Variants in KIAA1217 observed in about 807,000 individuals in gnomAD.
KIAA1217 encodes the protein sickle tail protein homolog.
A neutral mutation model predicts 163.9 loss-of-function variants in KIAA1217; 88 were observed. The ratio of observed to expected loss-of-function variants is 0.54; its 90% confidence interval spans 0.45 to 0.64. KIAA1217 has a LOEUF of 0.64. KIAA1217 is among the 30% of genes least tolerant of loss of function. The probability of loss-of-function intolerance (pLI) is 0.00; values close to 1 mark genes in which losing one functional copy is unlikely to be tolerated. For synonymous variants in KIAA1217, 903 were observed against 923.1 expected, an observed-to-expected ratio of 0.98 and a Z score of 0.39; for missense variants, 2,372 against 2,475.0, an observed-to-expected ratio of 0.96 and a Z score of 0.88.
intron 2 of KIAA1217, among the ~76,000 whole-genome samples, chr10:24,280,682 C>CTACTAGTCACAA (rs1342488402): frequency 6.6e-6 from 1 of 151,984 alleles, no homozygotes; most frequent in East Asian, 1.9e-4. Flanking sequence ...TGGTCACAGG[C>CTACTAGTCACAA]GCCTGTAGTC....
chr10:23,808,967 C>G (rs766456071), intron 1 of KIAA1217, among the ~76,000 whole-genome samples: 4 of 152,030 alleles, frequency 2.6e-5, no homozygotes, highest in Non-Finnish European at 4.4e-5. Flanking sequence ...AGATAATACA[C>G]TTGGCATCTG....
chr10:24,364,438 C>G (rs1010313289), intron 2 of KIAA1217, among the ~76,000 whole-genome samples: 7 of 152,188 alleles, frequency 4.6e-5, no homozygotes. Context: ...AAACTTTCCA[C>G]ACAGATGGAA....
intron 1 of KIAA1217, among the ~76,000 whole-genome samples, chr10:23,715,108 C>T (rs776708234): frequency 1.4e-4 from 22 of 152,158 alleles, no homozygotes; most frequent in Non-Finnish European, 2.6e-4. Flanking sequence ...ATTAGAGGCA[C>T]TCCTGGGATT....
At position 24,201,401 on chromosome 10, in the gene KIAA1217, T is replaced by C. The variant is rs368972348; in HGVS notation, c.-170-18225T>C. Among the ~76,000 whole-genome samples, 21 of 152,318 alleles carry C rather than the reference T, an allele frequency of 1.4e-4. 3 individuals are homozygous for C. Among genetic ancestry groups the C allele is most frequent in the Admixed American group, 9.8e-4 (15 of 15,292 alleles). On this transcript the variant is annotated intron_variant, in intron 2 of 18. Transcript: ENST00000376462. ...TTAAATATTTTATCCCACTCAATATTGTCCAGTTCAGAGATTGTAAATTTT... is the reference window on the plus strand; with the variant it reads ...TTAAATATTTTATCCCACTCAATATCGTCCAGTTCAGAGATTGTAAATTTT...
At chr10:23,841,950 C>T (rs1205547264) in intron 1 of KIAA1217, among the ~76,000 whole-genome samples, 1 of 151,882 alleles carries the variant, frequency 6.6e-6, no homozygotes, top group South Asian at 2.1e-4. Context: ...TCACTGCAAC[C>T]TCTGCCTCCC....
intron 2 of KIAA1217, among the ~76,000 whole-genome samples, chr10:24,071,619 C>T (rs956636049): frequency 6.6e-6 from 1 of 152,126 alleles, no homozygotes; most frequent in African/African-American, 2.4e-5. Flanking sequence ...ATCTATGTTG[C>T]CAAATGGTGA....
intron 6 of KIAA1217, among the ~76,000 whole-genome samples, chr10:24,477,123 G>C (rs1479592230): frequency 1.3e-5 from 2 of 152,166 alleles, no homozygotes; most frequent in Non-Finnish European, 2.9e-5. Flanking sequence ...CTCCTCCAAG[G>C]ACAGCTCAGA....
At chr10:24,200,149 C>G (rs1589872870) in intron 2 of KIAA1217, among the ~76,000 whole-genome samples, 1 of 151,788 alleles carries the variant, frequency 6.6e-6, no homozygotes, top group East Asian at 1.9e-4. Context: ...CTCCTTTTCT[C>G]TCTTTCTTTG....
chr10:24,061,151 G>T (rs1049017843), intron 2 of KIAA1217, among the ~76,000 whole-genome samples: 1 of 151,838 alleles, frequency 6.6e-6, no homozygotes, highest in African/African-American at 2.4e-5. Context: ...TTTTTCTTGT[G>T]TGTATTTTTC....
chr10:23,947,524 G>C (rs1010443893), intron 1 of KIAA1217, among the ~76,000 whole-genome samples: 6 of 152,296 alleles, frequency 3.9e-5, no homozygotes, highest in African/African-American at 1.4e-4. Context: ...ACTCAAAGCA[G>C]CAAAAGTACA....
intron 2 of KIAA1217, among the ~76,000 whole-genome samples, chr10:24,366,380 G>C (rs1564547894): frequency 6.6e-6 from 1 of 152,308 alleles, no homozygotes; most frequent in East Asian, 1.9e-4. Context: ...GGGAAGCAGA[G>C]GGTGCGGTGA....
At chr10:23,748,432 A>G (rs749415270) in intron 1 of KIAA1217, among the ~76,000 whole-genome samples, 1 of 146,126 alleles carries the variant, frequency 6.8e-6, no homozygotes, top group African/African-American at 2.6e-5. Flanking sequence ...CACCCAAGAA[A>G]TGCTTCTGGA....
At chr10:24,104,083 C>A (rs1486855962) in intron 2 of KIAA1217, among the ~76,000 whole-genome samples, 2 of 152,112 alleles carry the variant, frequency 1.3e-5, no homozygotes, top group Non-Finnish European at 1.5e-5. Flanking sequence ...AATGCTATAG[C>A]CACTTTGGAA....
intron 2 of KIAA1217, among the ~76,000 whole-genome samples, chr10:24,286,566 A>G (rs1210704890): frequency 6.6e-6 from 1 of 152,162 alleles, no homozygotes; most frequent in Non-Finnish European, 1.5e-5. Flanking sequence ...GGAAAATTCA[A>G]TGGGAGGTAT....
chr10:23,923,192 T>C (rs1589084031), intron 1 of KIAA1217, among the ~76,000 whole-genome samples: 1 of 152,184 alleles, frequency 6.6e-6, no homozygotes, highest in Non-Finnish European at 1.5e-5. Flanking sequence ...GAACATACAA[T>C]GTTTGGGTTT....
At chr10:24,323,602 G>T (rs368664472) in intron 2 of KIAA1217, among the ~76,000 whole-genome samples, 6 of 152,286 alleles carry the variant, frequency 3.9e-5, no homozygotes, top group African/African-American at 1.4e-4. Context: ...TTTGCAAACA[G>T]CCTAATCGGC....
At chr10:24,232,251 G>C (rs1296707291) in intron 2 of KIAA1217, among the ~76,000 whole-genome samples, 1 of 152,184 alleles carries the variant, frequency 6.6e-6, no homozygotes, top group African/African-American at 2.4e-5. Context: ...ACGTACAGTT[G>C]ACGTTAATCA....
rs146806962 is a variant in KIAA1217 at position 23,998,269 on chromosome 10, C to G, written c.-320-8956C>G. On this transcript the variant is annotated intron_variant, in intron 1 of 18. Coordinates refer to the KIAA1217 transcript ENST00000376462. ...TATGTACTTTGCAGTCTGGCCCCAT[C>G]CTAAAATATCTTTATTGTTAAGATT... Among the ~76,000 whole-genome samples, 71 of 152,216 alleles carry G rather than the reference C, an allele frequency of 4.7e-4. 1 individual carries two copies. The East Asian group carries it at 0.013, about 29-fold the overall frequency.
At position 24,088,829 on chromosome 10, in the gene KIAA1217, G is replaced by T. The variant is rs556315936; in HGVS notation, c.-171+81455G>T. 3.2e-5 allele frequency among the ~76,000 whole-genome samples: 4 copies of T among 124,186 alleles called. 2 individuals are homozygous for T. Among genetic ancestry groups the T allele is most frequent in the Non-Finnish European group, 8.0e-5 (4 of 50,194 alleles). 81.5% of individuals were successfully genotyped at this position (124,186 alleles called of 152,430 possible). A position where few individuals can be genotyped will look rare whatever the true frequency, so the allele number is the denominator to read the frequency against. On this transcript the variant is annotated intron_variant, in intron 2 of 18. Coordinates refer to the KIAA1217 transcript ENST00000376462. ...ATATCCAGTAATGGGATGGCTGGGT[G>T]AAATGGTATTTCCAGTTCTAGATCC...
Sources: allele counts gnomAD v4.1 joint callset (sites outside exome capture counted in the v4.1 genomes callset), GRCh38; gene constraint gnomAD v4.1.1; transcripts MANE v1.5; gene names NCBI Gene and HGNC (gene_info 2026-07-23, HGNC 2026-07-21).